CPSF4L: variants seen among roughly 807,000 people sequenced by gnomAD.
The protein encoded by CPSF4L is putative cleavage and polyadenylation specificity factor subunit 4-like protein.
A neutral mutation model predicts 24.0 loss-of-function variants in CPSF4L; 18 were observed. The ratio of observed to expected loss-of-function variants is 0.75; its 90% CI spans 0.52 to 1.11. The LOEUF is 1.11. Ranked by LOEUF, CPSF4L falls within the 50% of genes least tolerant of loss-of-function variation. The probability of loss-of-function intolerance (pLI) is 0.00; values close to 1 mark genes in which losing one functional copy is unlikely to be tolerated. For synonymous variants in CPSF4L, 72 were observed against 77.2 expected, an observed-to-expected ratio of 0.93 and a Z score of 0.35; for missense variants, 211 against 221.8, an observed-to-expected ratio of 0.95 and a Z score of 0.31.
chr17:73,261,437 G>A (rs1020664407), intron 1 of CPSF4L, among the ~76,000 whole-genome samples: 6 of 152,188 alleles, frequency 3.9e-5, no homozygotes, highest in Non-Finnish European at 7.4e-5. Flanking sequence ...CAAGGCGGGC[G>A]GATCACGAGG....
intron 4 of CPSF4L, among the ~76,000 whole-genome samples, chr17:73,253,131 G>T (rs370928479): frequency 1.3e-5 from 2 of 152,178 alleles, no homozygotes; most frequent in Admixed American, 1.3e-4. Flanking sequence ...AGGCCAAGGT[G>T]GGTGGATCAC....
chr17:73,243,097 T>TTG, the CPSF4L span: 15 of 978,128 alleles, frequency 1.5e-5, no homozygotes, highest in Non-Finnish European at 2.2e-5. Context: ...TTTTTTTTTT[T>TTG]TTTTACAGCT....
chr17:73,245,308 G>GA (rs968627956), downstream of CPSF4L: 41 of 1,410,096 alleles, frequency 2.9e-5, no homozygotes, highest in African/African-American at 5.3e-4. Flanking sequence ...AGAGGGGAGT[G>GA]AAAAAAATAA....
chr17:73,250,957 G>C lies in CPSF4L; in HGVS notation c.497+1673C>G, dbSNP rs191238396. 3.1e-4 allele frequency: 464 copies of C among 1,510,860 alleles called. 3 individuals carry two copies. In the East Asian group the frequency reaches 7.4e-3, roughly 24 times the overall value. The allele number at this position is 1,510,860 out of a possible 1,614,324, so 93.6% of individuals were successfully genotyped here. On this transcript the variant is annotated intron_variant, in intron 5 of 5. Coordinates refer to ENST00000344935, the MANE Select transcript of CPSF4L (RefSeq NM_001129885.1). ...CAGCCAAGCACTAGCCCAGCCCTGTGGGTTCCTTTGTCCACCCTGTGGCAC... is the reference window on the plus strand; with the variant it reads ...CAGCCAAGCACTAGCCCAGCCCTGTCGGTTCCTTTGTCCACCCTGTGGCAC...
chr17:73,248,362 C>G, downstream of CPSF4L: 1 of 835,318 alleles, frequency 1.2e-6, no homozygotes, highest in Non-Finnish European at 1.9e-6. Flanking sequence ...AAGAACGTCT[C>G]TAACATGATT....
At chr17:73,247,093 A>G (rs1041316544), downstream of CPSF4L, 28 of 673,292 alleles carry the variant, frequency 4.2e-5, no homozygotes, top group South Asian at 7.5e-5. Flanking sequence ...TTGTTTTTGT[A>G]TGTAGTCAAA....
chr17:73,261,946 A>G (rs1479251568), upstream of CPSF4L: 3 of 685,296 alleles, frequency 4.4e-6, no homozygotes, highest in Non-Finnish European at 7.6e-6. Context: ...GCCAGTGGCC[A>G]GGTGACTGCA....
Position 73,261,707 on chromosome 17 carries a change from C to T in CPSF4L, c.103+9G>A, listed in dbSNP as rs761049402. 1 of 1,531,186 alleles carries T rather than the reference C, an allele frequency of 6.5e-7. No individual in the cohort carries two copies. The highest frequency in any genetic ancestry group is 8.9e-7 in the Non-Finnish European group (1 of 1,128,320). 94.8% of individuals were successfully genotyped at this position (1,531,186 alleles called of 1,614,324 possible). A position where few individuals can be genotyped will look rare whatever the true frequency, so the allele number is the denominator to read the frequency against. On this transcript the variant is annotated intron_variant, in intron 1 of 5. Transcript: ENST00000344935. ...GTAGGGGAGGGAAAGTGGCCCCACC[C>T]TCACTCACTGTCCATGCCCTGGAAA...
intron 5 of CPSF4L, among the ~76,000 whole-genome samples, chr17:73,249,285 T>C (rs771511149): frequency 2.0e-5 from 3 of 152,214 alleles, no homozygotes; most frequent in Non-Finnish European, 4.4e-5. Flanking sequence ...CATCTGGGGC[T>C]TGCTTTGTGC....
downstream of CPSF4L, chr17:73,248,443 G>C (rs754000180): frequency 9.4e-5 from 141 of 1,503,792 alleles, no homozygotes; most frequent in Admixed American, 1.8e-4. Context: ...TAAAAGTCGT[G>C]TTCTGCCCTG....
At chr17:73,254,142 G>A (rs2062015628) in intron 3 of CPSF4L, 116 bp from the exon 4 acceptor site, 2 of 735,932 alleles carry the variant, frequency 2.7e-6, no homozygotes, top group East Asian at 5.4e-5. Flanking sequence ...TTTATTCTGG[G>A]AGTCACCAGC....
In CPSF4L at chr17:73,250,399, G is replaced by A. The variant is rs145510875; in HGVS notation, c.498-1863C>T. The stretch of plus-strand genomic sequence containing the variant: ...AGGAGATGGTTAGCTACCTTTGTGA[G>A]GAATTGGATGGATTCTGCTTGTTGG... On this transcript the variant is annotated intron_variant, in intron 5 of 5. Coordinates refer to ENST00000344935, the MANE Select transcript of CPSF4L (RefSeq NM_001129885.1). 337 of 1,433,336 alleles carry A rather than the reference G, an allele frequency of 2.4e-4. 1 individual carries two copies. Among genetic ancestry groups the A allele is most frequent in the Middle Eastern group, 2.3e-3 (10 of 4,358 alleles). 88.8% of individuals were successfully genotyped at this position (1,433,336 alleles called of 1,614,324 possible). A position where few individuals can be genotyped will look rare whatever the true frequency, so the allele number is the denominator to read the frequency against.
At chr17:73,248,284 A>C (rs1314560547), downstream of CPSF4L, 3 of 554,020 alleles carry the variant, frequency 5.4e-6, no homozygotes, top group South Asian at 6.9e-5. Context: ...TGCTACCCAC[A>C]GAAGCCAGTA....
At chr17:73,243,502 T>C (rs1471317941), downstream of CPSF4L, among the ~76,000 whole-genome samples, 2 of 151,866 alleles carry the variant, frequency 1.3e-5, no homozygotes, top group Admixed American at 6.6e-5. Flanking sequence ...TGTATAAGAT[T>C]TGACTAGAAT....
downstream of CPSF4L, chr17:73,248,327 C>CT (rs1323811848): frequency 9.1e-6 from 6 of 656,256 alleles, no homozygotes; most frequent in Non-Finnish European, 1.6e-5. Context: ...AACTACTCAT[C>CT]TCTTCACAGA....
chr17:73,242,928 A>G, the CPSF4L span: 1 of 1,613,948 alleles, frequency 6.2e-7, no homozygotes, highest in Non-Finnish European at 8.5e-7. Context: ...CATAAGGAAG[A>G]GTGGATTCGG....
At chr17:73,251,131 A>G (rs1857106980) in intron 5 of CPSF4L, 1 of 1,519,410 alleles carries the variant, frequency 6.6e-7, no homozygotes, top group African/African-American at 1.4e-5. Flanking sequence ...GTGAGAAAAC[A>G]CCTACTGCAG....
the CPSF4L span, chr17:73,242,212 ACAATGACAGTG>A: frequency 5.5e-6 from 8 of 1,455,552 alleles, no homozygotes; most frequent in Non-Finnish European, 7.6e-6. Flanking sequence ...GTTTCGGTAA[ACAATGACAGTG>A]ACTTCTGTTT....
At position 73,257,930 on chromosome 17, in the gene CPSF4L, G is replaced by A. The variant is rs2062029925; in HGVS notation, c.155-97C>T. 5 of 1,306,950 alleles carry A rather than the reference G, an allele frequency of 3.8e-6. No homozygotes were observed. In the East Asian group the frequency reaches 1.0e-4, roughly 26 times the overall value. The allele number at this position is 1,306,950 out of a possible 1,614,324, so 81.0% of individuals were successfully genotyped here. A position where few individuals can be genotyped will look rare whatever the true frequency, so the allele number is the denominator to read the frequency against. ...ATTCCCCAGGAGGGTACCTGACTCA[G>A]TCCCCAGCGGCTGTCCCCTTATCCC... is the stretch of plus-strand genomic sequence containing the variant. On this transcript the variant is annotated intron_variant, in intron 2 of 5. Coordinates refer to ENST00000344935, the MANE Select transcript of CPSF4L (RefSeq NM_001129885.1).
Sources: gnomAD v4.1 joint callset for allele counts (sites outside exome capture counted in the v4.1 genomes callset) on GRCh38, gnomAD v4.1.1 for gene constraint, MANE v1.5 for transcripts, NCBI Gene and HGNC (gene_info 2026-07-23, HGNC 2026-07-21) for gene names.